The following RANGAP1 variants were observed in gnomAD, a reference collection of about 807,000 sequenced individuals.
The protein encoded by RANGAP1 is Ran GTPase activating protein 1, also known as ran GTPase-activating protein 1.
Under a neutral mutation model 63.5 loss-of-function variants are expected in RANGAP1, and 38 were observed. The ratio of observed to expected loss-of-function variants is 0.60; its 90% confidence interval spans 0.46 to 0.78. The LOEUF is 0.78. Ranked by LOEUF, RANGAP1 falls within the 30% of genes least tolerant of loss-of-function variation. RANGAP1 has a pLI of 0.00. For missense variants in RANGAP1, 630 were observed against 740.3 expected, an observed-to-expected ratio of 0.85 and a Z score of 1.73; for synonymous variants, 329 against 310.5, an observed-to-expected ratio of 1.06 and a Z score of -0.63.
chr22:41,261,545 T>C lies in RANGAP1; in HGVS notation c.516A>G (p.Lys172=), dbSNP rs149154660. The change falls in exon 6 of 16, where the codon AAA becomes AAG. Residue 172 remains lysine (K), a synonymous_variant. Transcript: ENST00000356244. ...LAAALTECHR[K]SSAQGKPLAL... ...CCAGAGGCTTGCCTTGGGCACTGGA[T>C]TTCCGGTGACATTCGGTCAGAGCTG... 3 of 1,614,084 alleles carry C rather than the reference T, an allele frequency of 1.9e-6. No homozygotes were observed. Among genetic ancestry groups the C allele is most frequent in the Non-Finnish European group, 2.5e-6 (3 of 1,180,040 alleles).
Position 41,252,894 on chromosome 22 carries a change from C to T in RANGAP1, c.1358G>A (p.Ser453Asn), listed in dbSNP as rs1192839465. The T allele has an allele frequency of 1.1e-5, 18 of 1,573,504 alleles. No homozygotes were observed. The highest frequency in any genetic ancestry group is 1.5e-5 in the Non-Finnish European group (17 of 1,161,672). The change falls in exon 12 of 16, where the codon AGC (serine) becomes AAC (asparagine). Residue 453 changes from serine (S) to asparagine (N), a missense_variant. Physicochemically the swap from Ser to Asn is conservative, Grantham distance 46 (BLOSUM62 1). Transcript: ENST00000356244. ...TACCTGCTGGGCTATCAGCACGGAG[C>T]TCTTGGGCCCTAGGCGCAGCAGCTT... Reference protein sequence around the residue: ...PEKLLRLGPKSSVLIAQQTDT... With the variant: ...PEKLLRLGPKNSVLIAQQTDT...
chr22:41,260,500 G>A (rs748177812), intron 6 of RANGAP1, among the ~76,000 whole-genome samples: 5 of 152,196 alleles, frequency 3.3e-5, no homozygotes, highest in African/African-American at 7.2e-5. Context: ...AGGACATTCC[G>A]GCCCGTATGA....
intron 2 of RANGAP1, among the ~76,000 whole-genome samples, chr22:41,279,232 G>C (rs1343397405): frequency 6.6e-6 from 1 of 151,970 alleles, no homozygotes; most frequent in African/African-American, 2.4e-5. Context: ...GTACTTTGGG[G>C]GCTGAGGCGG....
At chr22:41,265,796 T>C (rs1346789151) in intron 4 of RANGAP1, among the ~76,000 whole-genome samples, 1 of 152,126 alleles carries the variant, frequency 6.6e-6, no homozygotes, top group Non-Finnish European at 1.5e-5. Flanking sequence ...GAAGGGAGAC[T>C]TTCTGCCCTC....
intron 2 of RANGAP1, among the ~76,000 whole-genome samples, chr22:41,275,362 G>A (rs2145819349): frequency 6.6e-6 from 1 of 151,582 alleles, no homozygotes; most frequent in Middle Eastern, 3.4e-3. Flanking sequence ...CGTGGTGGTG[G>A]GTGTTTGTAA....
intron 1 of RANGAP1, chr22:41,282,559 T>C (rs1243532018): frequency 1.3e-5 from 2 of 152,256 alleles, no homozygotes; most frequent in Admixed American, 6.5e-5. Context: ...CCTGACCTCG[T>C]GATCCACTCG....
chr22:41,247,495 G>A (rs1376739957), intron 15 of RANGAP1, among the ~76,000 whole-genome samples: 1 of 152,094 alleles, frequency 6.6e-6, no homozygotes, highest in East Asian at 1.9e-4. Context: ...GGGACCACAG[G>A]TACACACCAC....
chr22:41,277,592 G>T, intron 2 of RANGAP1: 2 of 941,872 alleles, frequency 2.1e-6, no homozygotes, highest in Non-Finnish European at 2.8e-6. Flanking sequence ...GTCAAGAAGG[G>T]TCTTGAGAAA....
intron 10 of RANGAP1, 108 bp downstream of exon 10, chr22:41,255,913 C>T: frequency 8.8e-7 from 1 of 1,142,606 alleles, no homozygotes. Flanking sequence ...GAGATCACGC[C>T]ACTGTACTTT....
intron 3 of RANGAP1, among the ~76,000 whole-genome samples, chr22:41,271,241 T>A (rs1021119535): frequency 2.7e-5 from 4 of 148,374 alleles, no homozygotes; most frequent in Admixed American, 1.4e-4. Flanking sequence ...AAAAAAAAAA[T>A]TAGCTGGGCA....
In RANGAP1 at chr22:41,258,041, G is replaced by A. The variant is rs759431403; in HGVS notation, c.681C>T (p.Ala227=). 1 of 1,613,564 alleles carries A rather than the reference G, an allele frequency of 6.2e-7. No homozygotes were observed. The highest frequency in any genetic ancestry group is 2.2e-5 in the East Asian group (1 of 44,838). ...GGTTGACAGCGAAAGCCTGGGCCAG[G>A]GCAGTGATGCCAGGGTGGTTGATCC... The part of the protein sequence containing the change: ...QNGINHPGIT[A]LAQAFAVNPL... The change falls in exon 7 of 16, where the codon GCC becomes GCT. Residue 227 remains alanine, a synonymous_variant. Coordinates refer to ENST00000356244, the MANE Select transcript of RANGAP1 (RefSeq NM_002883.4).
the RANGAP1 span, among the ~76,000 whole-genome samples, chr22:41,301,281 G>T: frequency 6.6e-6 from 1 of 152,186 alleles, no homozygotes; most frequent in Non-Finnish European, 1.5e-5. Context: ...GAGGCGCTGG[G>T]TTTGAGCAGC....
At chr22:41,294,880 T>C in the RANGAP1 span, among the ~76,000 whole-genome samples, 1 of 64,494 alleles carries the variant, frequency 1.6e-5, no homozygotes, top group Non-Finnish European at 3.0e-5. Flanking sequence ...GGGAGGGAGG[T>C]GGGGGGGTGA....
chr22:41,284,178 T>C (rs975668902), intron 1 of RANGAP1, among the ~76,000 whole-genome samples: 1 of 149,128 alleles, frequency 6.7e-6, no homozygotes, highest in Non-Finnish European at 1.5e-5. Context: ...ACCCGGTAGG[T>C]GGAGCTTGCA....
chr22:41,246,650 A>C lies in RANGAP1; in HGVS notation c.1717T>G (p.Cys573Gly), dbSNP rs995138795. Residue 573 changes from cysteine (C) to glycine (G), a missense_variant, in exon 16 of 16, where the codon TGC becomes GGC. Cys to Gly is a radical substitution (Grantham distance 159). Around this residue, in one of 3 missense-constraint regions of RANGAP1, gnomAD observed 428 missense variants for 465.5 expected, o/e 0.92. Transcript: ENST00000356244. The stretch of plus-strand genomic sequence containing the variant: ...AGCAGACTGTGGCGGGCGAAGGAGC[A>C]GGATTCCAGGGCGCTGTTGGGCCTG... ...VTKPNSALES[C>G]SFARHSLLQT... 6.4e-7 allele frequency: 1 copy of C among 1,562,066 alleles called. No individual in the cohort carries two copies. The highest frequency in any genetic ancestry group is 8.7e-7 in the Non-Finnish European group (1 of 1,152,412).
chr22:41,261,311 AGGCTTGGAGAGGGCACGTGACGCCCCAG>A (rs1448875375), intron 6 of RANGAP1, 107 bp downstream of exon 6: 7 of 1,342,156 alleles, frequency 5.2e-6, no homozygotes, highest in Admixed American at 2.2e-5. Flanking sequence ...ATGGGTTAAC[AGGCTTGGAGAGGGCACGTGACGCCCCAG>A]GTCTCTTGGT....
the RANGAP1 span, among the ~76,000 whole-genome samples, chr22:41,293,537 TG>T: frequency 3.3e-5 from 5 of 152,042 alleles, no homozygotes; most frequent in African/African-American, 1.2e-4. Context: ...CCCAGCACTT[TG>T]GGAGGCCGAG....
In RANGAP1 at chr22:41,268,085, T is replaced by C; in HGVS notation, c.300+12A>G. The C allele has an allele frequency of 1.3e-6, 2 of 1,537,982 alleles. No homozygotes were observed. The highest frequency in any genetic ancestry group is 1.8e-6 in the Non-Finnish European group (2 of 1,132,748). Reference sequence around the variant, plus strand: ...CTTGCGCGTGGAGGGGAAGAGCGGCTAGTTCGCTTACCAGGGCTGGTGGGA... The same window carrying C: ...CTTGCGCGTGGAGGGGAAGAGCGGCCAGTTCGCTTACCAGGGCTGGTGGGA... On this transcript the variant is annotated intron_variant, in intron 4 of 15. Coordinates refer to ENST00000356244, the MANE Select transcript of RANGAP1 (RefSeq NM_002883.4).
chr22:41,265,900 A>G (rs1485129867), intron 4 of RANGAP1, among the ~76,000 whole-genome samples: 3 of 152,136 alleles, frequency 2.0e-5, no homozygotes, highest in African/African-American at 7.2e-5. Flanking sequence ...TGCCCTACCC[A>G]CAGAAAGCCT....
Sources: allele counts gnomAD v4.1 joint callset (sites outside exome capture counted in the v4.1 genomes callset), GRCh38; gene constraint gnomAD v4.1.1; regional missense constraint gnomAD v4.1.1; transcripts MANE v1.5; gene names NCBI Gene and HGNC (gene_info 2026-07-23, HGNC 2026-07-21).